Variants in SLIT1 observed in about 807,000 individuals in gnomAD.
SLIT1 encodes slit guidance ligand 1.
In SLIT1, 66 loss-of-function variants were observed where a neutral mutation model predicts 186.1. The observed-to-expected ratio is 0.35, with a 90% confidence interval of 0.29 to 0.44. The LOEUF is 0.44. SLIT1 is among the 20% of genes least tolerant of loss of function. The probability of loss-of-function intolerance (pLI) is 1.00; values close to 1 mark genes in which losing one functional copy is unlikely to be tolerated. For synonymous variants in SLIT1, 761 were observed against 833.8 expected (o/e 0.91, Z 1.50); for missense variants, 1,638 against 2,037.4 (o/e 0.80, Z 3.77).
intron 3 of SLIT1, among the ~76,000 whole-genome samples, 166 bp from the exon 4 acceptor site, chr10:97,158,055 A>G (rs1229012549): frequency 6.6e-6 from 1 of 152,190 alleles, no homozygotes; most frequent in Non-Finnish European, 1.5e-5. Flanking sequence ...TCAGTTCTTC[A>G]TCTGTAAAGT....
At chr10:97,037,486 C>A (rs1421138735) in intron 22 of SLIT1, among the ~76,000 whole-genome samples, 2 of 152,104 alleles carry the variant, frequency 1.3e-5, no homozygotes, top group Non-Finnish European at 2.9e-5. Context: ...GAGGCAGGTC[C>A]AACCCAACAT....
chr10:97,101,130 T>C (rs768490227), intron 4 of SLIT1, among the ~76,000 whole-genome samples: 2 of 152,086 alleles, frequency 1.3e-5, no homozygotes, highest in Non-Finnish European at 2.9e-5. Context: ...CAAAGGCACA[T>C]TCAGAAGCCT....
intron 31 of SLIT1, among the ~76,000 whole-genome samples, chr10:97,007,482 A>G (rs1477028119): frequency 6.6e-6 from 1 of 152,158 alleles, no homozygotes; most frequent in African/African-American, 2.4e-5. Context: ...AGACATCACA[A>G]CAAAAGATAT....
intron 4 of SLIT1, among the ~76,000 whole-genome samples, chr10:97,073,173 C>A (rs1849016018): frequency 6.6e-6 from 1 of 152,276 alleles, no homozygotes; most frequent in Admixed American, 6.5e-5. Flanking sequence ...TCCCAAATCC[C>A]TTTGAAATAA....
chr10:97,120,051 T>A (rs1406388024), intron 4 of SLIT1, among the ~76,000 whole-genome samples: 1 of 150,452 alleles, frequency 6.6e-6, no homozygotes, highest in African/African-American at 2.4e-5. Flanking sequence ...GAGCTAAGAG[T>A]TTTACAACAT....
chr10:97,127,772 G>C (rs2817705), intron 4 of SLIT1, among the ~76,000 whole-genome samples: 77,212 of 151,948 alleles, frequency 0.51, 21,646 homozygotes, highest in Non-Finnish European at 0.62. Context: ...GCCTTGGGGC[G>C]GCTCCCAGCT....
chr10:97,040,189 G>A (rs1235578764), intron 20 of SLIT1, 69 bp from the exon 21 acceptor site: 1 of 1,438,198 alleles, frequency 7.0e-7, no homozygotes, highest in Non-Finnish European at 9.2e-7. Flanking sequence ...CTACAGTCAG[G>A]GCCATGCTCT....
intron 4 of SLIT1, among the ~76,000 whole-genome samples, chr10:97,121,678 C>G (rs1849561251): frequency 6.6e-6 from 1 of 152,182 alleles, no homozygotes; most frequent in East Asian, 1.9e-4. Context: ...CAAGCCCACC[C>G]CTTGCCTTCT....
intron 4 of SLIT1, among the ~76,000 whole-genome samples, chr10:97,071,318 G>GA (rs1407504538): frequency 6.6e-6 from 1 of 152,144 alleles, no homozygotes; most frequent in Non-Finnish European, 1.5e-5. Flanking sequence ...GTGGCCTGAG[G>GA]ACGTCCACAG....
intron 31 of SLIT1, among the ~76,000 whole-genome samples, chr10:97,007,612 C>T (rs531109275): frequency 6.6e-6 from 1 of 152,154 alleles, no homozygotes; most frequent in Admixed American, 6.5e-5. Context: ...GAGATTTACG[C>T]CAGGAATGCA....
At chr10:97,064,754 T>G in intron 6 of SLIT1, 51 bp downstream of exon 6, 1 of 1,418,624 alleles carries the variant, frequency 7.0e-7, no homozygotes. Flanking sequence ...ACTTGGCACC[T>G]GCCTAGCAGG....
intron 4 of SLIT1, among the ~76,000 whole-genome samples, chr10:97,140,598 T>A (rs1386564111): frequency 3.3e-5 from 5 of 152,132 alleles, no homozygotes; most frequent in African/African-American, 1.2e-4. Flanking sequence ...GCCTCCGCGA[T>A]CGGCCGACAG....
intron 7 of SLIT1, 74 bp from the exon 8 acceptor site, chr10:97,063,692 A>C: frequency 1.3e-5 from 19 of 1,453,798 alleles, no homozygotes; most frequent in Non-Finnish European, 1.8e-5. Context: ...CCCCAATCTC[A>C]GGCAGGAGGC....
At chr10:97,090,934 A>G (rs1253451678) in intron 4 of SLIT1, among the ~76,000 whole-genome samples, 1 of 152,236 alleles carries the variant, frequency 6.6e-6, no homozygotes, top group African/African-American at 2.4e-5. Context: ...GGTTCTCAGT[A>G]TGGCGGCAGA....
chr10:97,005,756 T>C (rs1848354675), intron 32 of SLIT1, among the ~76,000 whole-genome samples: 2 of 151,852 alleles, frequency 1.3e-5, no homozygotes, highest in African/African-American at 4.8e-5. Context: ...AGAGGTGACG[T>C]AGGGGAAGAG....
At chr10:97,019,380 C>A (rs148114345) in intron 26 of SLIT1, among the ~76,000 whole-genome samples, 1 of 152,156 alleles carries the variant, frequency 6.6e-6, no homozygotes. Flanking sequence ...GGCAGGCGGG[C>A]GGGCACTGTG....
intron 4 of SLIT1, among the ~76,000 whole-genome samples, chr10:97,085,676 G>A (rs983520802): frequency 1.3e-5 from 2 of 152,190 alleles, no homozygotes; most frequent in Non-Finnish European, 2.9e-5. Flanking sequence ...GTGAGCCACC[G>A]TGCCCAGCCA....
intron 28 of SLIT1, among the ~76,000 whole-genome samples, chr10:97,015,283 C>T (rs1169348074): frequency 2.0e-5 from 3 of 152,072 alleles, no homozygotes; most frequent in African/African-American, 7.2e-5. Context: ...GTTAGGAATC[C>T]TGATGTTTAG....
intron 1 of SLIT1, among the ~76,000 whole-genome samples, chr10:97,175,119 C>A (rs908977576): frequency 6.6e-6 from 1 of 152,198 alleles, no homozygotes; most frequent in African/African-American, 2.4e-5. Flanking sequence ...CTCTGGGTAA[C>A]TCAGATAAGT....
Sources: allele counts gnomAD v4.1 joint callset (sites outside exome capture counted in the v4.1 genomes callset), GRCh38; gene constraint gnomAD v4.1.1; transcripts MANE v1.5; gene names NCBI Gene and HGNC (gene_info 2026-07-23, HGNC 2026-07-21).